Variants in NAALADL2 observed in about 807,000 individuals in gnomAD.
NAALADL2 encodes the protein inactive N-acetylated-alpha-linked acidic dipeptidase-like protein 2.
NAALADL2 carries 76 observed loss-of-function variants against 87.2 expected under a neutral mutation model. That is an observed-to-expected ratio of 0.87 (90% confidence interval 0.72 to 1.05). The LOEUF (loss-of-function observed/expected upper bound fraction) is 1.05, where lower values mean the gene tolerates loss of function less well. Among genes scored for constraint, NAALADL2 ranks in the 50% least tolerant of loss-of-function variants. The pLI, the probability that NAALADL2 is intolerant of heterozygous loss-of-function variation, is 0.00. For synonymous variants in NAALADL2, 354 were observed against 331.0 expected (o/e 1.07, Z -0.75); for missense variants, 1,089 against 945.8 (o/e 1.15, Z -1.99).
chr3:175,691,973 C>T (rs149024547), intron 11 of NAALADL2, among the ~76,000 whole-genome samples: 68 of 152,222 alleles, frequency 4.5e-4, no homozygotes, highest in African/African-American at 1.2e-3. Flanking sequence ...GCTCCTTTCT[C>T]GAATATGATG....
At chr3:175,414,429 G>A (rs770361745) in intron 5 of NAALADL2, among the ~76,000 whole-genome samples, 1 of 151,786 alleles carries the variant, frequency 6.6e-6, no homozygotes, top group Non-Finnish European at 1.5e-5. Flanking sequence ...TACAAATTTG[G>A]GCTACTTATA....
At chr3:174,670,081 A>C (rs1163676144) in intron 2 of NAALADL2, among the ~76,000 whole-genome samples, 1 of 151,542 alleles carries the variant, frequency 6.6e-6, no homozygotes. Flanking sequence ...TTTGTGTGTC[A>C]ATTTTGTATC....
intron 11 of NAALADL2, among the ~76,000 whole-genome samples, chr3:175,687,270 C>T (rs1330338075): frequency 6.6e-6 from 1 of 152,072 alleles, no homozygotes; most frequent in Non-Finnish European, 1.5e-5. Flanking sequence ...GAAAATAACT[C>T]TCATATATAG....
intron 9 of NAALADL2, among the ~76,000 whole-genome samples, chr3:175,499,251 A>G (rs1049845553): frequency 2.0e-5 from 3 of 152,080 alleles, no homozygotes; most frequent in African/African-American, 7.2e-5. Flanking sequence ...AATTTGTTTT[A>G]CCGTTTTTCG....
intron 11 of NAALADL2, among the ~76,000 whole-genome samples, chr3:175,709,858 G>A (rs773352276): frequency 1.1e-4 from 16 of 152,084 alleles, no homozygotes; most frequent in Admixed American, 3.3e-4. Context: ...CAGGAAAGCA[G>A]TCAATGGTGA....
At chr3:175,411,185 T>C (rs1713444495) in intron 5 of NAALADL2, among the ~76,000 whole-genome samples, 1 of 152,168 alleles carries the variant, frequency 6.6e-6, no homozygotes, top group Non-Finnish European at 1.5e-5. Flanking sequence ...CAGTGTTCTC[T>C]ATTAAACTGT....
chr3:175,353,108 A>ATG (rs113022824), intron 5 of NAALADL2, among the ~76,000 whole-genome samples: 33,245 of 144,748 alleles, frequency 0.23, 4,155 homozygotes, highest in Non-Finnish European at 0.29. Flanking sequence ...ATTTAATAAA[A>ATG]TGTGTGTGTG....
chr3:175,101,877 A>T (rs911656120), intron 2 of NAALADL2, among the ~76,000 whole-genome samples: 1 of 152,178 alleles, frequency 6.6e-6, no homozygotes, highest in Non-Finnish European at 1.5e-5. Context: ...TGGAAAGATC[A>T]TTATGGTTCT....
chr3:175,202,788 T>A (rs1029208728), intron 2 of NAALADL2, among the ~76,000 whole-genome samples: 1 of 152,052 alleles, frequency 6.6e-6, no homozygotes, highest in Non-Finnish European at 1.5e-5. Flanking sequence ...GGGTGGGTCT[T>A]GCTGTGGCTG....
chr3:175,697,449 G>A (rs1201691340), intron 11 of NAALADL2, among the ~76,000 whole-genome samples: 1 of 142,850 alleles, frequency 7.0e-6, no homozygotes, highest in Non-Finnish European at 1.5e-5. Context: ...CTACTTATGA[G>A]GGTGTATTGT....
At chr3:174,555,353 G>A (rs1391691445) in intron 2 of NAALADL2, among the ~76,000 whole-genome samples, 1 of 152,150 alleles carries the variant, frequency 6.6e-6, no homozygotes, top group African/African-American at 2.4e-5. Context: ...AGCCTGGAGT[G>A]CAATGGCGCG....
At chr3:174,755,672 T>C (rs1711953437) in intron 3 of NAALADL2, among the ~76,000 whole-genome samples, 1 of 152,212 alleles carries the variant, frequency 6.6e-6, no homozygotes, top group African/African-American at 2.4e-5. Context: ...CCCAAAACTA[T>C]TAGAATTTAT....
intron 2 of NAALADL2, among the ~76,000 whole-genome samples, chr3:175,184,116 T>G (rs1045954881): frequency 1.3e-5 from 2 of 152,134 alleles, no homozygotes; most frequent in African/African-American, 4.8e-5. Context: ...CTCCATGTTC[T>G]TAGGAAGTTC....
chr3:174,452,233 T>A (rs1243994932), intron 1 of NAALADL2, among the ~76,000 whole-genome samples: 3 of 152,190 alleles, frequency 2.0e-5, no homozygotes, highest in Admixed American at 2.0e-4. Context: ...AGTTGTAAAC[T>A]GTGCTAGGGC....
At chr3:174,565,347 A>C (rs1714132927) in intron 2 of NAALADL2, among the ~76,000 whole-genome samples, 1 of 151,938 alleles carries the variant, frequency 6.6e-6, no homozygotes, top group Admixed American at 6.6e-5. Flanking sequence ...CCTTCCCCCA[A>C]ATCCTTGGCA....
intron 12 of NAALADL2, among the ~76,000 whole-genome samples, chr3:175,749,282 G>T (rs1057127500): frequency 6.6e-6 from 1 of 151,664 alleles, no homozygotes. Context: ...AATTTTTCCA[G>T]GAGATTGGGG....
chr3:175,096,721 G>A, intron 1 of NAALADL2, 69 bp from the exon 2 acceptor site: 1 of 1,054,552 alleles, frequency 9.5e-7, no homozygotes. Flanking sequence ...TTACTGTTTT[G>A]TTTTCACTTT....
At chr3:175,594,909 G>T (rs983752319) in intron 10 of NAALADL2, among the ~76,000 whole-genome samples, 3 of 151,764 alleles carry the variant, frequency 2.0e-5, no homozygotes, top group Admixed American at 2.0e-4. Context: ...GACTTTTGTT[G>T]GATGCATAAT....
At chr3:174,458,038 T>C (rs995348329) in intron 1 of NAALADL2, among the ~76,000 whole-genome samples, 1 of 152,052 alleles carries the variant, frequency 6.6e-6, no homozygotes, top group Non-Finnish European at 1.5e-5. Context: ...AACTAATGGG[T>C]ACCAAGCTTG....
Sources: allele counts gnomAD v4.1 joint callset (sites outside exome capture counted in the v4.1 genomes callset), GRCh38; gene constraint gnomAD v4.1.1; transcripts MANE v1.5; gene names NCBI Gene and HGNC (gene_info 2026-07-23, HGNC 2026-07-21).